The following AGAP1 variants were observed in gnomAD, a reference collection of about 807,000 sequenced individuals.
AGAP1 encodes the protein ArfGAP with GTPase domain, ankyrin repeat and PH domain 1.
AGAP1 carries 29 observed loss-of-function variants against 105.3 expected under a neutral mutation model. The ratio of observed to expected loss-of-function variants is 0.28; its 90% confidence interval spans 0.21 to 0.38. The LOEUF is 0.38. Ranked by LOEUF, AGAP1 falls within the 10% of genes least tolerant of loss-of-function variation. The pLI is 1.00. For synonymous variants in AGAP1, 509 were observed against 485.9 expected, an observed-to-expected ratio of 1.05 and a Z score of -0.63; for missense variants, 998 against 1,165.1, an observed-to-expected ratio of 0.86 and a Z score of 2.09.
At chr2:236,065,717 G>A (rs541381517) in intron 16 of AGAP1, among the ~76,000 whole-genome samples, 14 of 152,322 alleles carry the variant, frequency 9.2e-5, no homozygotes, top group African/African-American at 2.9e-4. Context: ...TAAAAATGGG[G>A]CTCTTCTGAC....
chr2:235,679,669 G>T (rs1372660214), intron 1 of AGAP1, among the ~76,000 whole-genome samples: 1 of 152,222 alleles, frequency 6.6e-6, no homozygotes, highest in African/African-American at 2.4e-5. Flanking sequence ...CAGCTAGTCT[G>T]AGTGCTGCGT....
rs957323144 is a variant in AGAP1 at position 235,992,438 on chromosome 2, C to T, written c.1645+23815C>T. ...TGTCTGGCGTTCAGTGGCAGGGGACCCTCCATGTGGGGACAGAGACTGCCA... is the reference window on the plus strand; with the variant it reads ...TGTCTGGCGTTCAGTGGCAGGGGACTCTCCATGTGGGGACAGAGACTGCCA... On this transcript the variant is annotated intron_variant, in intron 13 of 17. Coordinates refer to ENST00000304032, the MANE Select transcript of AGAP1 (RefSeq NM_001037131.3). The surrounding 1 kb of genome is among the most constrained non-coding windows in gnomAD (Gnocchi z 4.8). 1.3e-5 allele frequency among the ~76,000 whole-genome samples: 2 copies of T among 152,104 alleles called. No homozygotes were observed. Among genetic ancestry groups the T allele is most frequent in the African/African-American group, 2.4e-5 (1 of 41,416 alleles).
intron 1 of AGAP1, chr2:235,670,399 C>T (rs1048966824): frequency 2.8e-5 from 16 of 567,546 alleles, no homozygotes; most frequent in African/African-American, 1.6e-4. Flanking sequence ...CCCGCAGCAC[C>T]GGGCAGCTGG....
At position 235,566,531 on chromosome 2, in the gene AGAP1, C is replaced by A. The variant is rs1046827910; in HGVS notation, c.163+71682C>A. ...TGAAAAGCACAAATCATCAGTGCGC[C>A]GTACGTTTTGGCCAGCACTTTATTT... On this transcript the variant is annotated intron_variant, in intron 1 of 17. Coordinates refer to ENST00000304032, the MANE Select transcript of AGAP1 (RefSeq NM_001037131.3). This position sits in a 1 kb window ranked among gnomAD's most constrained non-coding sequence, Gnocchi z 5.2. 1 of 974,970 alleles carries A rather than the reference C, an allele frequency of 1.0e-6. No homozygotes were observed. Among genetic ancestry groups the A allele is most frequent in the Non-Finnish European group, 1.2e-6 (1 of 820,436 alleles). The allele number at this position is 974,970 out of a possible 1,614,324, so 60.4% of individuals were successfully genotyped here. A position where few individuals can be genotyped will look rare whatever the true frequency, so the allele number is the denominator to read the frequency against.
rs1348448272 is a variant in AGAP1 at position 235,733,721 on chromosome 2, CG to C, written c.311-7239del. On this transcript the variant is annotated intron_variant, in intron 3 of 17. Transcript: ENST00000304032. This position sits in a 1 kb window ranked among gnomAD's most constrained non-coding sequence, Gnocchi z 5.0. The stretch of plus-strand genomic sequence containing the variant: ...ATCGTGTTAAGTGCTCACTTCACTG[CG>C]GGTCAGAACCCCGGAGTGTTTCACC... 6.6e-6 allele frequency among the ~76,000 whole-genome samples: 1 copy of C among 152,132 alleles called. No individual in the cohort carries two copies. Among genetic ancestry groups the C allele is most frequent in the Non-Finnish European group, 1.5e-5 (1 of 68,040 alleles).
chr2:235,942,663 ACT>A (rs1027276746), intron 12 of AGAP1, among the ~76,000 whole-genome samples: 32 of 136,308 alleles, frequency 2.3e-4, no homozygotes, highest in African/African-American at 8.7e-4. Flanking sequence ...CAAGAGCGAA[ACT>A]CTGTCTAAAA....
intron 16 of AGAP1, among the ~76,000 whole-genome samples, chr2:236,118,390 T>TC (rs1206301720): frequency 6.8e-6 from 1 of 147,586 alleles, no homozygotes; most frequent in Non-Finnish European, 1.5e-5. Context: ...TCTTTTTCTT[T>TC]TTTTTTTTTT....
chr2:235,562,549 G>T (rs184585532), intron 1 of AGAP1, among the ~76,000 whole-genome samples: 4 of 148,326 alleles, frequency 2.7e-5, no homozygotes, highest in Non-Finnish European at 4.5e-5. Flanking sequence ...TCTCCTTTCC[G>T]CTGCCCCATG....
intron 11 of AGAP1, among the ~76,000 whole-genome samples, chr2:235,920,050 A>G (rs1417408230): frequency 6.6e-6 from 1 of 152,208 alleles, no homozygotes; most frequent in African/African-American, 2.4e-5. Flanking sequence ...CGTTTTAGGA[A>G]GTGACGACGA....
chr2:236,043,738 T>TGGG (rs564365759), intron 15 of AGAP1, among the ~76,000 whole-genome samples: 18 of 131,872 alleles, frequency 1.4e-4, no homozygotes, highest in African/African-American at 4.6e-4. Flanking sequence ...AAAAAAAAAG[T>TGGG]GGGGGGGGTG....
rs1032800602 is a variant in AGAP1, at chr2:235,665,009, T to G, written c.164-44170T>G. 1.3e-5 allele frequency among the ~76,000 whole-genome samples: 2 copies of G among 152,078 alleles called. No individual in the cohort carries two copies. Among genetic ancestry groups the G allele is most frequent in the Admixed American group, 1.3e-4 (2 of 15,244 alleles). ...GCCAAGATGGGAGAATCATCTGAGG[T>G]GAGGCGTTCGAGACCAGCCTGGGCA... On this transcript the variant is annotated intron_variant, in intron 1 of 17. Coordinates refer to ENST00000304032, the MANE Select transcript of AGAP1 (RefSeq NM_001037131.3). The surrounding 1 kb of genome is among the most constrained non-coding windows in gnomAD (Gnocchi z 5.3).
intron 10 of AGAP1, among the ~76,000 whole-genome samples, chr2:235,899,147 C>T (rs1215100772): frequency 1.3e-5 from 2 of 152,186 alleles, no homozygotes; most frequent in Non-Finnish European, 2.9e-5. Flanking sequence ...CCTTAGGTCT[C>T]ATGGCAGAAG....
chr2:235,980,698 A>G (rs1218616707), intron 13 of AGAP1, among the ~76,000 whole-genome samples: 1 of 152,172 alleles, frequency 6.6e-6, no homozygotes, highest in Non-Finnish European at 1.5e-5. Flanking sequence ...CTGCAGGAAA[A>G]TAGGCAGAGA....
intron 1 of AGAP1, among the ~76,000 whole-genome samples, chr2:235,536,679 C>T (rs1024864425): frequency 2.1e-5 from 3 of 143,740 alleles, no homozygotes; most frequent in African/African-American, 7.7e-5. Flanking sequence ...ACACACACAC[C>T]CCTTGCTTAT....
chr2:235,495,916 G>A (rs1390242334), intron 1 of AGAP1, among the ~76,000 whole-genome samples: 1 of 152,190 alleles, frequency 6.6e-6, no homozygotes. Flanking sequence ...CAGACTGGCC[G>A]GTAAGACCTC....
intron 1 of AGAP1, among the ~76,000 whole-genome samples, chr2:235,684,464 T>G (rs1949272400): frequency 6.6e-6 from 1 of 152,170 alleles, no homozygotes; most frequent in South Asian, 2.1e-4. Flanking sequence ...CATTTACACA[T>G]TAATTCCTAA....
chr2:235,749,453 C>G (rs565911834), intron 5 of AGAP1, among the ~76,000 whole-genome samples: 6 of 152,098 alleles, frequency 3.9e-5, no homozygotes. Context: ...CAAACGCCCC[C>G]GTGTGCACAC....
At chr2:235,929,133 G>T (rs1430826978) in intron 11 of AGAP1, among the ~76,000 whole-genome samples, 3 of 152,196 alleles carry the variant, frequency 2.0e-5, no homozygotes, top group African/African-American at 7.2e-5. Flanking sequence ...CACTGCCCTC[G>T]CTCCTCCCAC....
At position 236,049,052 on chromosome 2, in the gene AGAP1, C is replaced by T; in HGVS notation, c.1892-7C>T. The T allele has an allele frequency of 6.2e-7, 1 of 1,612,148 alleles. No individual in the cohort carries two copies. ...TTGCGTTTAGCGTTCTGTTCCTCTT[C>T]CCGTAGATCCCAACTGGGCCAGTTT... On this transcript the variant is annotated splice_polypyrimidine_tract_variant and splice_region_variant and intron_variant, in intron 15 of 17. Transcript: ENST00000304032.
Sources: gnomAD v4.1 joint callset for allele counts (sites outside exome capture counted in the v4.1 genomes callset) on GRCh38, gnomAD v4.1.1 for gene constraint, Gnocchi (gnomAD v3.1) non-coding constraint, MANE v1.5 for transcripts, NCBI Gene and HGNC (gene_info 2026-07-23, HGNC 2026-07-21) for gene names.